SPAG17: variants seen among roughly 807,000 people sequenced by gnomAD.
The protein encoded by SPAG17 is sperm-associated antigen 17.
Under a neutral mutation model 273.6 loss-of-function variants are expected in SPAG17, and 169 were observed. That is an observed-to-expected ratio of 0.62 (90% CI 0.55 to 0.70). The LOEUF is 0.70. SPAG17 is among the 30% of genes least tolerant of loss of function. The probability of loss-of-function intolerance (pLI) is 0.00; values close to 1 mark genes in which losing one functional copy is unlikely to be tolerated. For synonymous variants in SPAG17, 825 were observed against 873.2 expected, an observed-to-expected ratio of 0.94 and a Z score of 0.97; for missense variants, 2,557 against 2,627.8, an observed-to-expected ratio of 0.97 and a Z score of 0.59.
rs187693481 is a variant in SPAG17, at chr1:118,024,762, T to C, written c.3909+476A>G. On this transcript the variant is annotated intron_variant, in intron 27 of 48. Transcript: ENST00000336338. ...GCTCAGAGATCCATGTGCAAAATGT[T>C]TGTGTTAGAATTCCCATTTCGATGT... Among the ~76,000 whole-genome samples, 4 of 152,254 alleles carry C rather than the reference T, an allele frequency of 2.6e-5. No individual in the cohort carries two copies. The East Asian group carries it at 7.7e-4, about 29-fold the overall frequency.
In SPAG17 at chr1:118,031,739, T is replaced by G; in HGVS notation, c.3562A>C (p.Lys1188Gln). Residue 1188 changes from lysine to glutamine, a missense_variant, in exon 25 of 49, where the codon AAA becomes CAA. Lys to Gln is a moderately conservative substitution (Grantham distance 53). Coordinates refer to ENST00000336338, the MANE Select transcript of SPAG17 (RefSeq NM_206996.4). The part of the protein sequence containing the change: ...KGKIKGKEKP[K>Q]ESLKEEEHPK... The stretch of plus-strand genomic sequence containing the variant: ...TGTTCTTCTTCTTTAAGGGATTCTT[T>G]GGGTTTTTCTTTGCCTTTTATTTTC... 1 of 1,613,916 alleles carries G rather than the reference T, an allele frequency of 6.2e-7. No individual in the cohort carries two copies. The highest frequency in any genetic ancestry group is 8.5e-7 in the Non-Finnish European group (1 of 1,179,866).
At chr1:118,108,525 T>C (rs1400087265) in intron 4 of SPAG17, among the ~76,000 whole-genome samples, 2 of 152,146 alleles carry the variant, frequency 1.3e-5, no homozygotes, top group African/African-American at 4.8e-5. Context: ...CTGGATAACA[T>C]GGCATGCATG....
At chr1:118,051,687 T>C (rs1200921124) in intron 20 of SPAG17, among the ~76,000 whole-genome samples, 1 of 144,776 alleles carries the variant, frequency 6.9e-6, no homozygotes, top group African/African-American at 2.5e-5. Context: ...TAGTATTATA[T>C]AATAGTATGT....
intron 48 of SPAG17, chr1:117,959,391 G>A (rs1024232625): frequency 6.2e-7 from 1 of 1,613,808 alleles, no homozygotes; most frequent in African/African-American, 1.3e-5. Flanking sequence ...TAGCCACTTG[G>A]AAGAGAAGAA....
At chr1:117,991,382 G>A in intron 37 of SPAG17, 33 bp downstream of exon 37, 1 of 1,251,054 alleles carries the variant, frequency 8.0e-7, no homozygotes, top group Non-Finnish European at 1.1e-6. Flanking sequence ...TGAAACAATA[G>A]TAAGAACATG....
At chr1:118,074,643 G>C in intron 15 of SPAG17, 43 bp from the exon 16 acceptor site, 1 of 1,568,160 alleles carries the variant, frequency 6.4e-7, no homozygotes, top group Non-Finnish European at 8.8e-7. Context: ...TTCTGGCTTT[G>C]TTCTTGCCCT....
intron 45 of SPAG17, 62 bp from the exon 46 acceptor site, chr1:117,970,178 G>C: frequency 6.7e-7 from 1 of 1,500,248 alleles, no homozygotes; most frequent in Non-Finnish European, 9.1e-7. Flanking sequence ...CAATGAATAA[G>C]CTGGGATGTT....
In SPAG17 at chr1:117,953,662, A is replaced by G; in HGVS notation, c.*388T>C. 1.1e-6 allele frequency: 1 copy of G among 888,272 alleles called. No individual in the cohort carries two copies. Among genetic ancestry groups the G allele is most frequent in the Non-Finnish European group, 1.7e-6 (1 of 580,242 alleles). The allele number at this position is 888,272 out of a possible 1,614,324, so 55.0% of individuals were successfully genotyped here. The stretch of plus-strand genomic sequence containing the variant: ...GGCAAAAAGTTGATGAGATTTAAAG[A>G]TGGGGATTATAACCTGTTTCCTTCT... On this transcript the variant is annotated 3_prime_UTR_variant, in exon 49 of 49. Transcript: ENST00000336338.
chr1:118,012,453 A>G, intron 29 of SPAG17, 81 bp from the exon 30 acceptor site: 2 of 1,458,256 alleles, frequency 1.4e-6, no homozygotes, highest in Non-Finnish European at 1.9e-6. Flanking sequence ...TTGAATACGA[A>G]GATGGCACCA....
chr1:118,123,532 G>A (rs1186755119), intron 3 of SPAG17, among the ~76,000 whole-genome samples: 3 of 152,090 alleles, frequency 2.0e-5, no homozygotes, highest in Non-Finnish European at 1.5e-5. Flanking sequence ...TCTGTCTAAC[G>A]CAAATGGAAC....
intron 42 of SPAG17, among the ~76,000 whole-genome samples, chr1:117,982,795 C>T (rs1052108237): frequency 2.6e-5 from 4 of 152,190 alleles, no homozygotes; most frequent in African/African-American, 9.7e-5. Flanking sequence ...CCAATCAAAG[C>T]TTAGGTTTCA....
At position 118,093,153 on chromosome 1, in the gene SPAG17, T is replaced by C. The variant is rs1418521700; in HGVS notation, c.1173+3A>G. ...CCACTAAAGACATTGAGCCCATGCC[T>C]ACCTCTGAAGTTGGCATGGCTTCTA... On this transcript the variant is annotated splice_donor_region_variant and intron_variant, in intron 8 of 48. Coordinates refer to ENST00000336338, the MANE Select transcript of SPAG17 (RefSeq NM_206996.4). 7 of 1,611,568 alleles carry C rather than the reference T, an allele frequency of 4.3e-6. No individual in the cohort carries two copies. Among genetic ancestry groups the C allele is most frequent in the African/African-American group, 1.3e-5 (1 of 74,832 alleles).
Position 118,152,360 on chromosome 1 carries a change from G to C in SPAG17, c.88-991C>G, listed in dbSNP as rs180732554. On this transcript the variant is annotated intron_variant, in intron 1 of 48. Coordinates refer to ENST00000336338, the MANE Select transcript of SPAG17 (RefSeq NM_206996.4). ...TGGTGAATACCAAAACAATGTCTAA[G>C]ATTTGAAAAGGTCACACAAATTTAA... is the stretch of plus-strand genomic sequence containing the variant. Among the ~76,000 whole-genome samples the C allele has an allele frequency of 5.3e-5, 8 of 152,276 alleles. No homozygotes were observed. The East Asian group carries it at 1.5e-3, about 29-fold the overall frequency.
intron 21 of SPAG17, 111 bp from the exon 22 acceptor site, chr1:118,040,952 T>A (rs1412908855): frequency 2.8e-6 from 2 of 712,432 alleles, no homozygotes; most frequent in Non-Finnish European, 5.1e-6. Context: ...CTAAGTGATA[T>A]GTCTGTCACT....
intron 28 of SPAG17, among the ~76,000 whole-genome samples, chr1:118,022,259 A>G (rs527909148): frequency 1.3e-5 from 2 of 152,292 alleles, no homozygotes; most frequent in South Asian, 4.1e-4. Flanking sequence ...TTATTAAAAT[A>G]TATGCCTCAC....
chr1:118,034,725 G>A (rs537948979), intron 24 of SPAG17, among the ~76,000 whole-genome samples: 74 of 152,280 alleles, frequency 4.9e-4, no homozygotes, highest in Admixed American at 1.6e-3. Flanking sequence ...TAATAGGGTA[G>A]GAAGGTATAC....
At position 117,991,533 on chromosome 1, in the gene SPAG17, A is replaced by G. The variant is rs145089680; in HGVS notation, c.5362-5T>C. 8 of 1,545,928 alleles carry G rather than the reference A, an allele frequency of 5.2e-6. No individual in the cohort carries two copies. The highest frequency in any genetic ancestry group is 7.1e-6 in the Non-Finnish European group (8 of 1,123,338). ...TAGAATATAGTTTATGTAATCCTAA[A>G]TCAGCAGAATAAAATACATAGACAA... On this transcript the variant is annotated splice_region_variant and splice_polypyrimidine_tract_variant and intron_variant, in intron 36 of 48. Transcript: ENST00000336338.
Position 117,966,764 on chromosome 1 carries a change from CA to C in SPAG17, c.6388-12del, listed in dbSNP as rs767396054. The C allele has an allele frequency of 3.7e-6, 6 of 1,602,142 alleles. No homozygotes were observed. The highest frequency in any genetic ancestry group is 5.1e-6 in the Non-Finnish European group (6 of 1,175,908). ...CATACCAGCTGCCACCTATAAGACACAAGGTAGCTTTAGGACCAGACAACTC... is the reference window on the plus strand; with the variant it reads ...CATACCAGCTGCCACCTATAAGACACAGGTAGCTTTAGGACCAGACAACTC... On this transcript the variant is annotated splice_polypyrimidine_tract_variant and intron_variant, in intron 46 of 48. Transcript: ENST00000336338.
chr1:118,036,503 G>A (rs565797905), intron 24 of SPAG17: 232 of 204,200 alleles, frequency 1.1e-3, no homozygotes, highest in Middle Eastern at 1.7e-3. Flanking sequence ...ATATGTATAA[G>A]TGATTATATA....
Sources: allele counts gnomAD v4.1 joint callset (sites outside exome capture counted in the v4.1 genomes callset), GRCh38; gene constraint gnomAD v4.1.1; transcripts MANE v1.5; gene names NCBI Gene and HGNC (gene_info 2026-07-23, HGNC 2026-07-21).